The following RHPN2 variants were observed in gnomAD, a reference collection of about 807,000 sequenced individuals.
The protein encoded by RHPN2 is rhophilin-2.
A neutral mutation model predicts 79.0 loss-of-function variants in RHPN2; 40 were observed. The observed-to-expected ratio is 0.51, with a 90% CI of 0.39 to 0.66. The LOEUF is 0.66. Among genes scored for constraint, RHPN2 ranks in the 30% least tolerant of loss-of-function variants. RHPN2 has a pLI of 0.00. For synonymous variants in RHPN2, 285 were observed against 363.5 expected, an observed-to-expected ratio of 0.78 and a Z score of 2.46; for missense variants, 686 against 883.5, an observed-to-expected ratio of 0.78 and a Z score of 2.83.
At chr19:33,032,016 C>CTTTTTTTTTT (rs34807523) in intron 2 of RHPN2, among the ~76,000 whole-genome samples, 1 of 91,390 alleles carries the variant, frequency 1.1e-5, no homozygotes, top group African/African-American at 4.8e-5. Flanking sequence ...CCGGGCCGGT[C>CTTTTTTTTTT]TTTTTTTTTT....
intron 11 of RHPN2, among the ~76,000 whole-genome samples, 181 bp downstream of exon 11, chr19:32,995,845 C>T (rs961122804): frequency 6.6e-6 from 1 of 152,128 alleles, no homozygotes. Context: ...GGCAACAGAG[C>T]GAGACTCCAT....
At chr19:33,021,887 G>C (rs1217661118) in intron 3 of RHPN2, among the ~76,000 whole-genome samples, 3 of 152,014 alleles carry the variant, frequency 2.0e-5, no homozygotes, top group Non-Finnish European at 4.4e-5. Context: ...TCAGGCCCCT[G>C]GCATCTTGAC....
chr19:33,002,305 G>A lies in RHPN2; in HGVS notation c.1047C>T (p.Ala349=). 1 of 1,613,890 alleles carries A rather than the reference G, an allele frequency of 6.2e-7. No individual in the cohort carries two copies. The highest frequency in any genetic ancestry group is 8.5e-7 in the Non-Finnish European group (1 of 1,179,876). Residue 349 remains alanine (A), a synonymous_variant, in exon 9 of 15, where the codon GCC becomes GCT. Coordinates refer to ENST00000254260, the MANE Select transcript of RHPN2 (RefSeq NM_033103.5). The part of the protein sequence containing the change: ...YSWASLACVK[A]HHYAALAHYF... ...AGTGGGCCAGGGCCGCGTAGTGGTG[G>A]GCCTTCACGCAGGCTAAGCTGGCCC...
At chr19:33,052,851 G>C (rs1045815202) in intron 1 of RHPN2, among the ~76,000 whole-genome samples, 6 of 152,182 alleles carry the variant, frequency 3.9e-5, no homozygotes, top group East Asian at 1.9e-4. Flanking sequence ...AGGGGTGGAG[G>C]GGGGCTCGAT....
chr19:32,983,788 A>G (rs1971595800), intron 14 of RHPN2, among the ~76,000 whole-genome samples: 1 of 151,760 alleles, frequency 6.6e-6, no homozygotes. Context: ...CACCACACCC[A>G]GATAATTTTT....
At chr19:33,011,609 G>A in intron 6 of RHPN2, 70 bp downstream of exon 6, 6 of 1,608,662 alleles carry the variant, frequency 3.7e-6, no homozygotes, top group Non-Finnish European at 5.1e-6. Context: ...AGGGGCGTCT[G>A]TGATGCTGAG....
chr19:33,026,409 G>A lies in RHPN2; in HGVS notation c.314+95C>T, dbSNP rs376782354. ...CGAAAGTGGGGGCTGCCACACCCCA[G>A]TCTAGAACGCTATCTGACCTCTTTG... On this transcript the variant is annotated intron_variant, in intron 3 of 14. Coordinates refer to ENST00000254260, the MANE Select transcript of RHPN2 (RefSeq NM_033103.5). 89 of 1,526,926 alleles carry A rather than the reference G, an allele frequency of 5.8e-5. No individual in the cohort carries two copies. The South Asian group carries it at 8.3e-4, about 14-fold the overall frequency. 94.6% of individuals were successfully genotyped at this position (1,526,926 alleles called of 1,614,324 possible). A position where few individuals can be genotyped will look rare whatever the true frequency, so the allele number is the denominator to read the frequency against.
chr19:33,029,279 C>T (rs1303674876), intron 2 of RHPN2, among the ~76,000 whole-genome samples: 4 of 152,024 alleles, frequency 2.6e-5, no homozygotes, highest in Admixed American at 2.0e-4. Context: ...GTAATCCCAG[C>T]ACTTTGGGAG....
chr19:33,064,724 C>G, intron 1 of RHPN2, 60 bp downstream of exon 1: 3 of 1,489,458 alleles, frequency 2.0e-6, no homozygotes, highest in Non-Finnish European at 2.7e-6. Flanking sequence ...CCCTGCAGGG[C>G]CCGGGGGAAA....
intron 12 of RHPN2, 133 bp downstream of exon 12, chr19:32,993,844 A>G (rs1971679477): frequency 1.4e-6 from 1 of 727,974 alleles, no homozygotes; most frequent in African/African-American, 1.8e-5. Flanking sequence ...ACTAAGAAAT[A>G]TATTTCTGCT....
At chr19:33,054,133 G>A (rs1038395646) in intron 1 of RHPN2, among the ~76,000 whole-genome samples, 42 of 151,864 alleles carry the variant, frequency 2.8e-4, no homozygotes. Flanking sequence ...AAAGTGCTGG[G>A]ATCATAGGTG....
intron 10 of RHPN2, among the ~76,000 whole-genome samples, chr19:32,998,447 A>G (rs1356020562): frequency 6.6e-6 from 1 of 152,086 alleles, no homozygotes. Context: ...GTTCAAAACC[A>G]GCCTGGGCAA....
At position 32,991,900 on chromosome 19, in the gene RHPN2, C is replaced by T; in HGVS notation, c.1567G>A (p.Glu523Lys). 1 of 1,613,996 alleles carries T rather than the reference C, an allele frequency of 6.2e-7. No homozygotes were observed. Among genetic ancestry groups the T allele is most frequent in the Non-Finnish European group, 8.5e-7 (1 of 1,179,872 alleles). Residue 523 changes from glutamate (E) to lysine (K), a missense_variant, in exon 13 of 15, where the codon GAA (glutamate) becomes AAA (lysine). Physicochemically the swap from Glu to Lys is moderately conservative, Grantham distance 56. Transcript: ENST00000254260. ...PPRSIRFTAE[E>K]GDLGFTLRGN... ...CTCAAGGTGAACCCCAAGTCCCCTTCTTCTGCAGTGAAGCGGATGCTTCGA... is the reference window on the plus strand; with the variant it reads ...CTCAAGGTGAACCCCAAGTCCCCTTTTTCTGCAGTGAAGCGGATGCTTCGA...
intron 7 of RHPN2, among the ~76,000 whole-genome samples, chr19:33,006,193 T>TA (rs35016567): frequency 7.4e-5 from 11 of 149,312 alleles, no homozygotes; most frequent in Admixed American, 2.7e-4. Context: ...TTCATTAATT[T>TA]AAAAAAAAAA....
intron 1 of RHPN2, among the ~76,000 whole-genome samples, chr19:33,059,159 G>T (rs1374522709): frequency 6.6e-5 from 10 of 151,912 alleles, no homozygotes; most frequent in African/African-American, 2.2e-4. Context: ...CCCCCGGCTG[G>T]CTCAGCCACC....
chr19:33,015,137 C>T (rs528134067), intron 4 of RHPN2, among the ~76,000 whole-genome samples: 1 of 151,478 alleles, frequency 6.6e-6, no homozygotes. Context: ...AAAAAATTAT[C>T]TAACTGGCCA....
intron 6 of RHPN2, among the ~76,000 whole-genome samples, 179 bp from the exon 7 acceptor site, chr19:33,008,359 C>T (rs1353035161): frequency 6.6e-6 from 1 of 151,532 alleles, no homozygotes; most frequent in Non-Finnish European, 1.5e-5. Context: ...TCAGTTGATC[C>T]TCCCACCTCA....
chr19:33,006,584 A>G (rs191701157), intron 7 of RHPN2, among the ~76,000 whole-genome samples: 18 of 152,346 alleles, frequency 1.2e-4, no homozygotes, highest in Admixed American at 4.6e-4. Flanking sequence ...AACACGCTAT[A>G]GAGCTAGCGT....
At chr19:33,012,038 CTTTTTTTTT>C (rs34140133) in intron 5 of RHPN2, among the ~76,000 whole-genome samples, 6 of 126,410 alleles carry the variant, frequency 4.7e-5, no homozygotes, top group Non-Finnish European at 4.9e-5. Context: ...GGTTTTCCTT[CTTTTTTTTT>C]TTTTTTTTTT....
Sources: gnomAD v4.1 joint callset for allele counts (sites outside exome capture counted in the v4.1 genomes callset) on GRCh38, gnomAD v4.1.1 for gene constraint, MANE v1.5 for transcripts, NCBI Gene and HGNC (gene_info 2026-07-23, HGNC 2026-07-21) for gene names.